The following NFATC3 variants were observed in gnomAD, a reference collection of about 807,000 sequenced individuals.
NFATC3 encodes the protein nuclear factor of activated T-cells, cytoplasmic 3.
In NFATC3, 46 loss-of-function variants were observed where a neutral mutation model predicts 98.6. The ratio of observed to expected loss-of-function variants is 0.47; its 90% confidence interval spans 0.37 to 0.60. The LOEUF (loss-of-function observed/expected upper bound fraction) is 0.60. Among genes scored for constraint, NFATC3 ranks in the 20% least tolerant of loss-of-function variants. The pLI is 0.00. For synonymous variants in NFATC3, 512 were observed against 472.2 expected (o/e 1.08, Z -1.09); for missense variants, 1,256 against 1,295.5 (o/e 0.97, Z 0.47).
chr16:68,154,607 T>C (rs947101204), intron 3 of NFATC3, among the ~76,000 whole-genome samples: 5 of 152,198 alleles, frequency 3.3e-5, no homozygotes, highest in Admixed American at 2.0e-4. Context: ...ATTTTAAATA[T>C]TGCAGTCTCC....
At chr16:68,210,546 TG>T (rs2041343080) in intron 9 of NFATC3, among the ~76,000 whole-genome samples, 1 of 152,134 alleles carries the variant, frequency 6.6e-6, no homozygotes, top group South Asian at 2.1e-4. Flanking sequence ...AATTAATTTT[TG>T]TAGAGGTAGG....
At chr16:68,220,009 C>G (rs929321120) in intron 9 of NFATC3, among the ~76,000 whole-genome samples, 1 of 152,202 alleles carries the variant, frequency 6.6e-6, no homozygotes, top group Non-Finnish European at 1.5e-5. Flanking sequence ...TTGAACATTT[C>G]TTGAATACGA....
intron 4 of NFATC3, among the ~76,000 whole-genome samples, chr16:68,162,440 G>T (rs965250160): frequency 1.3e-5 from 2 of 152,082 alleles, no homozygotes; most frequent in Non-Finnish European, 2.9e-5. Flanking sequence ...ATAAGACCAT[G>T]GTTCAAAATA....
intron 9 of NFATC3, among the ~76,000 whole-genome samples, chr16:68,216,424 C>T (rs552190408): frequency 6.6e-6 from 1 of 152,244 alleles, no homozygotes; most frequent in Non-Finnish European, 1.5e-5. Flanking sequence ...ACTGTTTACT[C>T]AGCTGGAGAT....
chr16:68,098,287 T>G (rs965947859), intron 1 of NFATC3, among the ~76,000 whole-genome samples: 7 of 124,990 alleles, frequency 5.6e-5, no homozygotes, highest in Admixed American at 5.6e-4. Flanking sequence ...TTATTATTAT[T>G]ATTATTATTA....
At chr16:68,108,800 T>TA (rs763785016) in intron 1 of NFATC3, among the ~76,000 whole-genome samples, 2 of 152,092 alleles carry the variant, frequency 1.3e-5, no homozygotes, top group African/African-American at 2.4e-5. Context: ...CTTCCCTTGT[T>TA]AGCTGTGTTC....
At chr16:68,222,254 A>T (rs995554250) in intron 9 of NFATC3, among the ~76,000 whole-genome samples, 1 of 130,382 alleles carries the variant, frequency 7.7e-6, no homozygotes, top group Non-Finnish European at 1.6e-5. Context: ...TGCCACCTGC[A>T]TTCCAGCCTG....
intron 1 of NFATC3, among the ~76,000 whole-genome samples, chr16:68,112,645 C>CTTTTTTTTTTTT (rs1567503218): frequency 2.5e-5 from 3 of 119,238 alleles, no homozygotes; most frequent in Non-Finnish European, 3.4e-5. Flanking sequence ...TTTTCTTTTT[C>CTTTTTTTTTTTT]GTTTTTTTTT....
chr16:68,108,669 G>A (rs2035792468), intron 1 of NFATC3, among the ~76,000 whole-genome samples: 2 of 152,180 alleles, frequency 1.3e-5, no homozygotes, highest in Admixed American at 1.3e-4. Flanking sequence ...GCTTTGGGCA[G>A]TGTGGCTGTT....
chr16:68,159,292 A>G (rs2038771385), intron 4 of NFATC3, among the ~76,000 whole-genome samples: 1 of 152,126 alleles, frequency 6.6e-6, no homozygotes, highest in Admixed American at 6.6e-5. Flanking sequence ...GAAGAAAAGA[A>G]AGGATATTGA....
intron 3 of NFATC3, chr16:68,138,680 C>T: frequency 7.8e-7 from 1 of 1,283,388 alleles, no homozygotes; most frequent in African/African-American, 1.5e-5. Context: ...AGTCACATGG[C>T]CCTACTTACA....
chr16:68,142,618 C>G (rs774841228), intron 3 of NFATC3, among the ~76,000 whole-genome samples: 1 of 151,936 alleles, frequency 6.6e-6, no homozygotes, highest in South Asian at 2.1e-4. Context: ...ATTAGCTGGG[C>G]GTGGTGGTGG....
chr16:68,180,415 G>A (rs1567536430), intron 6 of NFATC3, among the ~76,000 whole-genome samples: 1 of 152,134 alleles, frequency 6.6e-6, no homozygotes, highest in Admixed American at 6.5e-5. Flanking sequence ...GAGGAAGTGA[G>A]TTTCCTGTCA....
intron 6 of NFATC3, among the ~76,000 whole-genome samples, chr16:68,177,418 A>G (rs28548264): frequency 0.18 from 27,902 of 151,752 alleles, 2,931 homozygotes; most frequent in African/African-American, 0.28. Flanking sequence ...ACATTAATTA[A>G]CTCACAGTAT....
intron 4 of NFATC3, among the ~76,000 whole-genome samples, chr16:68,158,314 G>C (rs562867753): frequency 6.6e-6 from 1 of 152,236 alleles, no homozygotes; most frequent in South Asian, 2.1e-4. Context: ...TATAAATACT[G>C]TATCTGGACT....
chr16:68,221,551 T>C, intron 9 of NFATC3: 1 of 1,187,044 alleles, frequency 8.4e-7, no homozygotes, highest in Non-Finnish European at 1.0e-6. Context: ...ACTCAATATA[T>C]GTAAGCACTA....
chr16:68,200,598 C>G (rs1369468628), intron 9 of NFATC3: 1 of 152,134 alleles, frequency 6.6e-6, no homozygotes, highest in African/African-American at 2.4e-5. Flanking sequence ...CAGCACAGTA[C>G]TGACGTTTCA....
chr16:68,120,343 C>G (rs1464177160), intron 1 of NFATC3, among the ~76,000 whole-genome samples: 5 of 150,832 alleles, frequency 3.3e-5, no homozygotes, highest in Non-Finnish European at 7.4e-5. Flanking sequence ...TTTGGGAGGC[C>G]AAGGAGGGTA....
At chr16:68,123,740 C>G (rs933247198) in intron 2 of NFATC3, among the ~76,000 whole-genome samples, 1 of 151,888 alleles carries the variant, frequency 6.6e-6, no homozygotes, top group Non-Finnish European at 1.5e-5. Context: ...TGTCTCATGC[C>G]TGTAATCCCA....
Sources: gnomAD v4.1 joint callset for allele counts (sites outside exome capture counted in the v4.1 genomes callset) on GRCh38, gnomAD v4.1.1 for gene constraint, MANE v1.5 for transcripts, NCBI Gene and HGNC (gene_info 2026-07-23, HGNC 2026-07-21) for gene names.